The following MKLN1 variants were observed in gnomAD, a reference collection of about 807,000 sequenced individuals.
The protein encoded by MKLN1 is muskelin 1, also known as muskelin.
MKLN1 carries 18 observed loss-of-function variants against 99.0 expected under a neutral mutation model. The ratio of observed to expected loss-of-function variants is 0.18; its 90% CI spans 0.13 to 0.27. MKLN1 has a LOEUF of 0.27. MKLN1 is among the 10% of genes least tolerant of loss of function. The probability of loss-of-function intolerance (pLI) is 1.00; values close to 1 mark genes in which losing one functional copy is unlikely to be tolerated. For synonymous variants in MKLN1, 288 were observed against 293.2 expected, an observed-to-expected ratio of 0.98 and a Z score of 0.18; for missense variants, 621 against 875.9, an observed-to-expected ratio of 0.71 and a Z score of 3.67.
intron 1 of MKLN1, among the ~76,000 whole-genome samples, chr7:131,363,540 TATCTCTGCA>T (rs1800090186): frequency 6.6e-6 from 1 of 152,034 alleles, no homozygotes; most frequent in Non-Finnish European, 1.5e-5. Context: ...GTTTTCCAGT[TATCTCTGCA>T]TTTACCTATA....
At chr7:131,174,495 GA>G in intron 2 of MKLN1, among the ~76,000 whole-genome samples, 1 of 152,236 alleles carries the variant, frequency 6.6e-6, no homozygotes, top group Admixed American at 6.5e-5. Context: ...ATTTTCCTCA[GA>G]ACCCGTTTTC....
intron 1 of MKLN1, among the ~76,000 whole-genome samples, chr7:131,353,285 T>G (rs1208873084): frequency 6.6e-6 from 1 of 152,178 alleles, no homozygotes; most frequent in African/African-American, 2.4e-5. Context: ...CATCACTGTT[T>G]TATCTTTTAG....
At chr7:131,319,085 A>C (rs972082092) in intron 3 of MKLN1, among the ~76,000 whole-genome samples, 49 of 152,324 alleles carry the variant, frequency 3.2e-4, no homozygotes, top group Admixed American at 1.7e-3. Flanking sequence ...CTCCTCCCTA[A>C]CTCATTTTAT....
chr7:131,275,872 G>A (rs1429197518), intron 3 of MKLN1, among the ~76,000 whole-genome samples: 17 of 152,054 alleles, frequency 1.1e-4, no homozygotes, highest in Admixed American at 1.1e-3. Flanking sequence ...AGGTGATGTA[G>A]ACTTACTCAC....
At chr7:131,345,499 T>C (rs1799532141) in intron 1 of MKLN1, among the ~76,000 whole-genome samples, 1 of 152,148 alleles carries the variant, frequency 6.6e-6, no homozygotes, top group South Asian at 2.1e-4. Flanking sequence ...GGGAGGATCA[T>C]AGAGTCCAGA....
chr7:131,152,268 G>A (rs1474785451), intron 2 of MKLN1, among the ~76,000 whole-genome samples: 1 of 152,162 alleles, frequency 6.6e-6, no homozygotes, highest in Non-Finnish European at 1.5e-5. Context: ...ACTGCAGTGA[G>A]CTACAATTGT....
chr7:131,337,266 G>A (rs1013772815), intron 1 of MKLN1, among the ~76,000 whole-genome samples: 6 of 152,030 alleles, frequency 3.9e-5, no homozygotes, highest in African/African-American at 1.4e-4. Flanking sequence ...GATCAGCTGT[G>A]AAAAAATTTT....
chr7:131,284,010 G>A (rs910435776), intron 3 of MKLN1, among the ~76,000 whole-genome samples: 3 of 152,118 alleles, frequency 2.0e-5, no homozygotes, highest in African/African-American at 7.2e-5. Context: ...TTGTGTAAAT[G>A]TTCTAGAATC....
At chr7:131,333,606 G>A (rs951178674) in intron 1 of MKLN1, among the ~76,000 whole-genome samples, 2 of 151,382 alleles carry the variant, frequency 1.3e-5, no homozygotes, top group Non-Finnish European at 2.9e-5. Context: ...GCGCAGTCTC[G>A]GCTCACCGCA....
chr7:131,200,713 TG>T (rs1796714711), intron 2 of MKLN1, among the ~76,000 whole-genome samples: 2 of 152,322 alleles, frequency 1.3e-5, no homozygotes, highest in African/African-American at 2.4e-5. Context: ...ATTAGCACAT[TG>T]GACTACCTGA....
rs187983533 is a variant in MKLN1, at chr7:131,262,694, G to A, written c.-179+59720G>A. On this transcript the variant is annotated intron_variant, in intron 3 of 7. Coordinates refer to the MKLN1 transcript ENST00000416992. ...GCCTCCCAAGTAGCTGGGACTGCAG[G>A]CATGCACCACCACACCTAGCTAATT... Among the ~76,000 whole-genome samples the A allele has an allele frequency of 4.8e-4, 73 of 152,000 alleles. No homozygotes were observed. The East Asian group carries it at 8.1e-3, about 17-fold the overall frequency.
intron 3 of MKLN1, among the ~76,000 whole-genome samples, chr7:131,274,024 GATC>G (rs974942700): frequency 1.3e-5 from 2 of 152,106 alleles, no homozygotes; most frequent in Non-Finnish European, 2.9e-5. Flanking sequence ...CAAGACAATA[GATC>G]ATACATTTGT....
At position 131,411,337 on chromosome 7, in the gene MKLN1, G is replaced by C; in HGVS notation, c.735G>C (p.Gln245His). Residue 245 changes from glutamine to histidine, a missense_variant, in exon 7 of 18, where the codon CAG becomes CAC. Gln to His is a conservative substitution (Grantham distance 24). Coordinates refer to ENST00000352689, the MANE Select transcript of MKLN1 (RefSeq NM_013255.5). The part of the protein sequence containing the change: ...DGLFNQYISQ[Q>H]EYKPRWSQII... The stretch of plus-strand genomic sequence containing the variant: ...TGTTCAATCAGTATATCAGTCAACA[G>C]GAATATAAGCCACGATGGAGTCAAA... The C allele has an allele frequency of 6.2e-7, 1 of 1,611,888 alleles. No homozygotes were observed. The highest frequency in any genetic ancestry group is 2.2e-5 in the East Asian group (1 of 44,828).
intron 8 of MKLN1, among the ~76,000 whole-genome samples, chr7:131,424,202 G>A (rs1000948825): frequency 6.6e-6 from 1 of 151,322 alleles, no homozygotes; most frequent in Non-Finnish European, 1.5e-5. Context: ...AGATAAATTT[G>A]TTTCTTAAAA....
intron 3 of MKLN1, among the ~76,000 whole-genome samples, chr7:131,289,551 T>C (rs1442351161): frequency 1.3e-5 from 2 of 152,146 alleles, no homozygotes; most frequent in African/African-American, 4.8e-5. Context: ...TTCTTATCTC[T>C]TACTACCAGG....
chr7:131,184,586 G>A (rs938718507), intron 2 of MKLN1, among the ~76,000 whole-genome samples: 6 of 151,736 alleles, frequency 4.0e-5, no homozygotes, highest in African/African-American at 9.7e-5. Context: ...GTGCAATGGC[G>A]TGGTCTCGGT....
intron 3 of MKLN1, among the ~76,000 whole-genome samples, chr7:131,204,837 G>GGCAGGAGAATGGCGTGAAC (rs1563251694): frequency 6.6e-6 from 1 of 151,860 alleles, no homozygotes; most frequent in African/African-American, 2.4e-5. Context: ...AGGAGGCTGA[G>GGCAGGAGAATGGCGTGAAC]GCAGGAGAAT....
At chr7:131,464,469 A>G in intron 14 of MKLN1, 61 bp downstream of exon 14, 2 of 918,230 alleles carry the variant, frequency 2.2e-6, no homozygotes, top group Non-Finnish European at 3.5e-6. Context: ...CAATCCCCAA[A>G]TATATCTTTG....
intron 3 of MKLN1, among the ~76,000 whole-genome samples, chr7:131,211,649 C>G (rs1194903588): frequency 6.6e-6 from 1 of 151,788 alleles, no homozygotes; most frequent in Non-Finnish European, 1.5e-5. Flanking sequence ...TTTTTAGTCC[C>G]CAGAGGAACA....
Sources: allele counts gnomAD v4.1 joint callset (sites outside exome capture counted in the v4.1 genomes callset), GRCh38; gene constraint gnomAD v4.1.1; transcripts MANE v1.5; gene names NCBI Gene and HGNC (gene_info 2026-07-23, HGNC 2026-07-21).